The following ZFAND3 variants were observed in gnomAD, a reference collection of about 807,000 sequenced individuals.
ZFAND3 encodes the protein AN1-type zinc finger protein 3.
ZFAND3 carries 10 observed loss-of-function variants against 29.6 expected under a neutral mutation model. That is an observed-to-expected ratio of 0.34 (90% CI 0.21 to 0.57). The LOEUF (loss-of-function observed/expected upper bound fraction) is 0.57. ZFAND3 is among the 20% of genes least tolerant of loss of function. The pLI, the probability that ZFAND3 is intolerant of heterozygous loss-of-function variation, is 0.86. For missense variants in ZFAND3, 230 were observed against 304.5 expected, an observed-to-expected ratio of 0.76 and a Z score of 1.82; for synonymous variants, 128 against 112.6, an observed-to-expected ratio of 1.14 and a Z score of -0.87.
intron 1 of ZFAND3, among the ~76,000 whole-genome samples, chr6:37,896,446 A>G (rs1350755469): frequency 6.6e-6 from 1 of 151,028 alleles, no homozygotes; most frequent in Non-Finnish European, 1.5e-5. Flanking sequence ...TGGTTTGCTA[A>G]ATTTTGTTTA....
chr6:37,929,910 T>C, intron 1 of ZFAND3, 49 bp from the exon 2 acceptor site: 1 of 1,552,424 alleles, frequency 6.4e-7, no homozygotes, highest in Non-Finnish European at 8.7e-7. Flanking sequence ...ATTAGAGTGA[T>C]ATGGAGTTTT....
chr6:38,037,473 A>G (rs1265545193), intron 2 of ZFAND3, among the ~76,000 whole-genome samples: 2 of 152,234 alleles, frequency 1.3e-5, no homozygotes, highest in African/African-American at 4.8e-5. Context: ...TCAGAGGTAG[A>G]TGCGTATGTA....
chr6:38,132,785 T>C (rs1401704126), intron 5 of ZFAND3, among the ~76,000 whole-genome samples: 1 of 151,630 alleles, frequency 6.6e-6, no homozygotes, highest in Non-Finnish European at 1.5e-5. Context: ...CTCCTGTTGC[T>C]GGGCAACTTA....
chr6:37,918,548 A>C (rs1485069893), intron 1 of ZFAND3, among the ~76,000 whole-genome samples: 4 of 152,160 alleles, frequency 2.6e-5, no homozygotes, highest in Non-Finnish European at 5.9e-5. Flanking sequence ...TCTAATAATA[A>C]TACTTTAGGT....
chr6:37,882,134 G>A (rs1764908700), intron 1 of ZFAND3, among the ~76,000 whole-genome samples: 1 of 152,204 alleles, frequency 6.6e-6, no homozygotes, highest in African/African-American at 2.4e-5. Flanking sequence ...TGGCCATGTT[G>A]CTGGAGTGGG....
In ZFAND3 at chr6:37,939,362, T is replaced by C. The variant is rs139655350; in HGVS notation, c.112+9363T>C. ...AGTCTCTGCTTCATCCACATGGCCT[T>C]CTCCCCTGTGAGTCTCTATCTTTCC... On this transcript the variant is annotated intron_variant, in intron 2 of 5. Transcript: ENST00000287218. Among the ~76,000 whole-genome samples the C allele has an allele frequency of 4.7e-3, 716 of 152,304 alleles. 6 individuals are homozygous for C. The highest frequency in any genetic ancestry group is 0.017 in the African/African-American group (691 of 41,546).
At chr6:37,933,193 A>C (rs746012417) in intron 2 of ZFAND3, among the ~76,000 whole-genome samples, 3 of 152,280 alleles carry the variant, frequency 2.0e-5, no homozygotes, top group Non-Finnish European at 4.4e-5. Context: ...TAAAAGATGG[A>C]AAAATCACTT....
At chr6:38,012,646 C>T (rs1447682819) in intron 2 of ZFAND3, among the ~76,000 whole-genome samples, 1 of 152,054 alleles carries the variant, frequency 6.6e-6, no homozygotes, top group East Asian at 1.9e-4. Context: ...CAAAGTGCTG[C>T]AATTACAGGT....
intron 1 of ZFAND3, among the ~76,000 whole-genome samples, chr6:37,849,072 T>C (rs1561909997): frequency 1.3e-5 from 2 of 152,226 alleles, no homozygotes; most frequent in Admixed American, 6.5e-5. Flanking sequence ...TCTTCTATTA[T>C]TCTGGTAATT....
chr6:38,126,859 AT>A (rs1198524079), intron 5 of ZFAND3, among the ~76,000 whole-genome samples: 1 of 151,684 alleles, frequency 6.6e-6, no homozygotes, highest in Non-Finnish European at 1.5e-5. Context: ...TGTTAAATTT[AT>A]TCCTAAATAT....
chr6:37,948,002 A>G (rs961052646), intron 2 of ZFAND3, among the ~76,000 whole-genome samples: 10 of 151,904 alleles, frequency 6.6e-5, no homozygotes, highest in Middle Eastern at 3.4e-3. Context: ...TCATTTATTT[A>G]TTGAGACTTG....
chr6:38,078,046 G>A (rs977013198), intron 3 of ZFAND3, among the ~76,000 whole-genome samples: 2 of 152,200 alleles, frequency 1.3e-5, no homozygotes, highest in Non-Finnish European at 2.9e-5. Context: ...GCAGGTTACA[G>A]TGAAGTGAGT....
chr6:37,910,271 G>A (rs73419475), intron 1 of ZFAND3, among the ~76,000 whole-genome samples: 10,139 of 152,146 alleles, frequency 0.067, 408 homozygotes, highest in Non-Finnish European at 0.085. Flanking sequence ...ATACCAGTGA[G>A]TCAGTAATTG....
chr6:38,141,072 G>T (rs1885328), intron 5 of ZFAND3, among the ~76,000 whole-genome samples: 3,103 of 151,688 alleles, frequency 0.02, 95 homozygotes, highest in African/African-American at 0.072. Flanking sequence ...TGGAAACGGG[G>T]CAAAAGCATG....
chr6:37,931,747 T>C (rs1202332300), intron 2 of ZFAND3, among the ~76,000 whole-genome samples: 1 of 152,066 alleles, frequency 6.6e-6, no homozygotes, highest in Non-Finnish European at 1.5e-5. Flanking sequence ...TTTTTGTTGT[T>C]GTTAATTTTA....
chr6:38,060,480 TTCCTGTCCTG>T, intron 2 of ZFAND3, among the ~76,000 whole-genome samples: 1 of 150,788 alleles, frequency 6.6e-6, no homozygotes, highest in South Asian at 2.1e-4. Flanking sequence ...GCTTTCTCTG[TTCCTGTCCTG>T]TCCTGTCCTC....
At chr6:38,087,918 A>C (rs993766080) in intron 4 of ZFAND3, among the ~76,000 whole-genome samples, 1 of 152,184 alleles carries the variant, frequency 6.6e-6, no homozygotes, top group Non-Finnish European at 1.5e-5. Context: ...ATAGCTAAGA[A>C]TGTTTCCAGC....
At chr6:38,083,472 CTGAGGTAGAAA>C (rs1166837279) in intron 4 of ZFAND3, among the ~76,000 whole-genome samples, 2 of 151,898 alleles carry the variant, frequency 1.3e-5, no homozygotes, top group Non-Finnish European at 2.9e-5. Context: ...CTTTTTTTTA[CTGAGGTAGAAA>C]AGAGCTGTGC....
At chr6:38,092,472 T>C (rs1036019391) in intron 4 of ZFAND3, among the ~76,000 whole-genome samples, 7 of 152,254 alleles carry the variant, frequency 4.6e-5, no homozygotes, top group Non-Finnish European at 1.0e-4. Flanking sequence ...AGATAGATTA[T>C]GCCAATCATT....
Sources: allele counts gnomAD v4.1 joint callset (sites outside exome capture counted in the v4.1 genomes callset), GRCh38; gene constraint gnomAD v4.1.1; transcripts MANE v1.5; gene names NCBI Gene and HGNC (gene_info 2026-07-23, HGNC 2026-07-21).